CDX4: variants seen among roughly 807,000 people sequenced by gnomAD.
CDX4 encodes homeobox protein CDX-4.
Under a neutral mutation model 14.1 loss-of-function variants are expected in CDX4, and 11 were observed. The ratio of observed to expected loss-of-function variants is 0.78; its 90% CI spans 0.49 to 1.29. CDX4 has a LOEUF of 1.29. Ranked by LOEUF, CDX4 falls within the 50% of genes most tolerant of loss-of-function variation. The probability of loss-of-function intolerance (pLI) is 0.00; values close to 1 mark genes in which losing one functional copy is unlikely to be tolerated. For synonymous variants in CDX4, 100 were observed against 93.5 expected (o/e 1.07, Z -0.40); for missense variants, 257 against 237.4 (o/e 1.08, Z -0.54).
chrX:73,452,080 T>TA (rs773614766), intron 1 of CDX4, among the ~76,000 whole-genome samples: 86 of 109,677 alleles, frequency 7.8e-4, no homozygotes, highest in African/African-American at 2.5e-3. Context: ...AGATTAATCT[T>TA]AAAATATATC....
At chrX:73,454,306 T>C in intron 2 of CDX4, 73 bp from the exon 3 acceptor site, 2 of 723,596 alleles carry the variant, frequency 2.8e-6, no homozygotes, top group East Asian at 6.8e-5. Flanking sequence ...GCTTTGTAAA[T>C]GCTAAAGTCT....
Position 73,447,721 on chromosome X carries a change from C to G in CDX4, c.468C>G (p.Pro156=), listed in dbSNP as rs1302260279. 1.7e-6 allele frequency: 2 copies of G among 1,192,506 alleles called. No individual in the cohort carries two copies. The highest frequency in any genetic ancestry group is 3.6e-5 in the South Asian group (2 of 55,164). ...CCCCCAGCAGGAGCCGCCACAGCCCCTATGCATGGATGCGCAAGACGGTGC... is the reference window on the plus strand; with the variant it reads ...CCCCCAGCAGGAGCCGCCACAGCCCGTATGCATGGATGCGCAAGACGGTGC... ...ASSPSRSRHS[P]YAWMRKTVQV... is the part of the protein sequence containing the mutation. The change falls in exon 1 of 3, where the codon CCC becomes CCG. Residue 156 remains proline (P), a synonymous_variant. Transcript: ENST00000373514.
rs1441746956 is a variant in CDX4 at position 73,454,411 on chromosome X, G to T, written c.681G>T (p.Lys227Asn). The T allele has an allele frequency of 8.3e-7, 1 of 1,208,964 alleles. No individual in the cohort carries two copies. The highest frequency in any genetic ancestry group is 1.8e-5 in the South Asian group (1 of 56,651). Residue 227 changes from lysine to asparagine, a missense_variant, in exon 3 of 3, where the codon AAG becomes AAT. By Grantham distance (94) the Lys-to-Asn change is moderately conservative (BLOSUM62 0). Coordinates refer to ENST00000373514, the MANE Select transcript of CDX4 (RefSeq NM_005193.2). ...VKIWFQNRRA[K>N]ERKMIKKKIS... is the part of the protein sequence containing the mutation. ...TCTGGTTTCAGAATCGCAGAGCCAA[G>T]GAGAGAAAGATGATCAAAAAGAAAA...
chrX:73,448,202 T>C (rs1569494108), intron 1 of CDX4, among the ~76,000 whole-genome samples: 1 of 110,326 alleles, frequency 9.1e-6, no homozygotes, highest in Non-Finnish European at 1.9e-5. Context: ...GAGCGGGCTG[T>C]CTCCCCCCTC....
At chrX:73,447,965 C>T (rs2057076527) in intron 1 of CDX4, among the ~76,000 whole-genome samples, 1 of 112,010 alleles carries the variant, frequency 8.9e-6, no homozygotes, top group Non-Finnish European at 1.9e-5. Flanking sequence ...GGGACTAAAC[C>T]TACCCTAGAG....
Position 73,454,651 on chromosome X carries a change from T to A in CDX4, c.*66T>A. Reference sequence around the variant, plus strand: ...ATGTCTTTTGGGTCTCTAAGCTATCTACAGGGGAGTTGGAGCAGGGTGTAA... The same window carrying A: ...ATGTCTTTTGGGTCTCTAAGCTATCAACAGGGGAGTTGGAGCAGGGTGTAA... On this transcript the variant is annotated 3_prime_UTR_variant, in exon 3 of 3. Transcript: ENST00000373514. The A allele has an allele frequency of 1.2e-6, 1 of 807,316 alleles. No individual in the cohort carries two copies. The allele number at this position is 807,316 out of a possible 1,213,427, so 66.5% of individuals were successfully genotyped here.
Position 73,447,616 on chromosome X carries a change from TG to T in CDX4, c.365del (p.Gly122GlufsTer45). 8.3e-7 allele frequency: 1 copy of T among 1,211,229 alleles called. No homozygotes were observed. The highest frequency in any genetic ancestry group is 1.8e-5 in the South Asian group (1 of 56,917). On this transcript the variant is annotated frameshift_variant, in exon 1 of 3. Transcript: ENST00000373514. LOFTEE classifies it high-confidence loss of function. The stretch of plus-strand genomic sequence containing the variant: ...ACAGCAACTTGGGCCCTGTGGGCGG[TG>T]GAACTAGCGGCAGCAGCCTACCAGG... Reference protein sequence around the residue: ...DYSNLGPVGGGTSGSSLPGQA... With the variant: ...DYSNLGPVGGXTSGSSLPGQA...
intron 1 of CDX4, 140 bp downstream of exon 1, chrX:73,447,895 T>C: frequency 1.5e-6 from 1 of 677,309 alleles, no homozygotes; most frequent in Non-Finnish European, 2.2e-6. Flanking sequence ...CTGGCTGGCC[T>C]ATTAGGCATC....
intron 1 of CDX4, among the ~76,000 whole-genome samples, chrX:73,452,096 T>A (rs1253139159): frequency 2.8e-5 from 3 of 106,540 alleles, no homozygotes; most frequent in Non-Finnish European, 5.8e-5. Context: ...ATATCACTTA[T>A]CTAAAATTTA....
chrX:73,450,237 A>G (rs1313111609), intron 1 of CDX4, among the ~76,000 whole-genome samples: 1 of 112,073 alleles, frequency 8.9e-6, no homozygotes, highest in African/African-American at 3.2e-5. Context: ...TTATTTTCTA[A>G]TGAGAGCAAG....
At chrX:73,454,349 C>T (rs774267879) in intron 2 of CDX4, 30 bp from the exon 3 acceptor site, 20 of 1,034,374 alleles carry the variant, frequency 1.9e-5, no homozygotes, top group Non-Finnish European at 2.4e-5. Context: ...AAGTTAACTG[C>T]ATTCAGTATG....
Position 73,447,180 on chromosome X carries a change from T to C in CDX4, c.-74T>C. 9.1e-7 allele frequency: 1 copy of C among 1,093,482 alleles called. No individual in the cohort carries two copies. The highest frequency in any genetic ancestry group is 1.2e-6 in the Non-Finnish European group (1 of 807,485). 90.1% of individuals were successfully genotyped at this position (1,093,482 alleles called of 1,213,427 possible). A position where few individuals can be genotyped will look rare whatever the true frequency, so the allele number is the denominator to read the frequency against. ...ACGTACTGATAAGTTTATTCTCTGC[T>C]GCTTCTCAAAGTCGAGTTGGGGCCT... On this transcript the variant is annotated 5_prime_UTR_variant, in exon 1 of 3. Transcript: ENST00000373514.
chrX:73,453,388 A>T, intron 1 of CDX4, 129 bp from the exon 2 acceptor site: 1 of 518,153 alleles, frequency 1.9e-6, no homozygotes, highest in Non-Finnish European at 3.1e-6. Flanking sequence ...TGAATATTTG[A>T]TTCAAAAATA....
chrX:73,450,131 C>T (rs190492135), intron 1 of CDX4, among the ~76,000 whole-genome samples: 2 of 111,408 alleles, frequency 1.8e-5, no homozygotes, highest in African/African-American at 6.5e-5. Context: ...AAGTTCTTTC[C>T]ATTACTGAAA....
At chrX:73,448,657 C>A (rs973832607) in intron 1 of CDX4, among the ~76,000 whole-genome samples, 3 of 112,561 alleles carry the variant, frequency 2.7e-5, no homozygotes, top group African/African-American at 9.7e-5. Context: ...TGGGCGACTG[C>A]TGGGAGCCAG....
At position 73,447,192 on chromosome X, in the gene CDX4, T is replaced by A. The variant is rs1052035777; in HGVS notation, c.-62T>A. 8.8e-7 allele frequency: 1 copy of A among 1,132,510 alleles called. No individual in the cohort carries two copies. The highest frequency in any genetic ancestry group is 1.2e-6 in the Non-Finnish European group (1 of 842,931). 93.3% of individuals were successfully genotyped at this position (1,132,510 alleles called of 1,213,427 possible). On this transcript the variant is annotated 5_prime_UTR_variant, in exon 1 of 3. Coordinates refer to ENST00000373514, the MANE Select transcript of CDX4 (RefSeq NM_005193.2). ...GTTTATTCTCTGCTGCTTCTCAAAG[T>A]CGAGTTGGGGCCTTACAGGGACTTC... is the stretch of plus-strand genomic sequence containing the variant.
At chrX:73,450,985 G>A (rs1243902273) in intron 1 of CDX4, among the ~76,000 whole-genome samples, 1 of 111,127 alleles carries the variant, frequency 9.0e-6, no homozygotes, top group Non-Finnish European at 1.9e-5. Context: ...GTGGTTGGGA[G>A]GATGGGAAGG....
chrX:73,452,562 A>G (rs1287005764), intron 1 of CDX4, among the ~76,000 whole-genome samples: 2 of 111,555 alleles, frequency 1.8e-5, no homozygotes, highest in Non-Finnish European at 3.8e-5. Context: ...AAATGTTTGT[A>G]TATCCTTTCA....
rs993186468 is a variant in CDX4 at position 73,454,477 on chromosome X, C to T, written c.747C>T (p.Asp249=). 1.7e-6 allele frequency: 2 copies of T among 1,198,947 alleles called. No homozygotes were observed. The highest frequency in any genetic ancestry group is 2.3e-6 in the Non-Finnish European group (2 of 887,177). Residue 249 remains aspartate (D), a synonymous_variant, in exon 3 of 3, where the codon GAC becomes GAT. Transcript: ENST00000373514. ...ATAGTGGAGGCTCGGTGCAAAGTGA[C>T]TCTGACTCCATCAGCCCTGGGGAAC... ...FENSGGSVQS[D]SDSISPGELP...
Sources: allele counts gnomAD v4.1 joint callset (sites outside exome capture counted in the v4.1 genomes callset), GRCh38; gene constraint gnomAD v4.1.1; transcripts MANE v1.5; gene names NCBI Gene and HGNC (gene_info 2026-07-23, HGNC 2026-07-21).